PARVB: variants seen among roughly 807,000 people sequenced by gnomAD.
PARVB encodes beta-parvin.
In PARVB, 46 loss-of-function variants were observed where a neutral mutation model predicts 47.0. The ratio of observed to expected loss-of-function variants is 0.98; its 90% CI spans 0.77 to 1.25. The LOEUF (loss-of-function observed/expected upper bound fraction) is 1.25. Ranked by LOEUF, PARVB falls within the 50% of genes most tolerant of loss-of-function variation. The pLI is 0.00. For missense variants in PARVB, 473 were observed against 471.6 expected, an observed-to-expected ratio of 1.00 and a Z score of -0.03; for synonymous variants, 196 against 196.3, an observed-to-expected ratio of 1.00 and a Z score of 0.01.
intron 1 of PARVB, among the ~76,000 whole-genome samples, chr22:44,084,909 T>C (rs2051990455): frequency 6.6e-6 from 1 of 152,238 alleles, no homozygotes. Context: ...CATCTGTTTA[T>C]TTTCCATTCT....
chr22:44,108,017 G>A, intron 3 of PARVB: 1 of 152,140 alleles, frequency 6.6e-6, no homozygotes, highest in Non-Finnish European at 1.5e-5. Flanking sequence ...GGGATTACAG[G>A]CGCCCGCCAC....
At position 44,068,540 on chromosome 22, in the gene PARVB, TTC is replaced by T. The variant is rs1351734793; in HGVS notation, c.113-25386_113-25385del. ...TGTCGGGGCAGCCTCAGCTTCTTCT[TTC>T]TGTGTCCGATATTTGATTTCTGTTG... On this transcript the variant is annotated intron_variant, in intron 1 of 12. Coordinates refer to ENST00000338758, the MANE Select transcript of PARVB (RefSeq NM_013327.5). This position sits in a 1 kb window ranked among gnomAD's most constrained non-coding sequence, Gnocchi z 4.1. Among the ~76,000 whole-genome samples the T allele has an allele frequency of 1.3e-5, 2 of 152,206 alleles. No homozygotes were observed. The highest frequency in any genetic ancestry group is 2.4e-5 in the African/African-American group (1 of 41,454).
At chr22:44,058,778 C>T (rs1019970637) in intron 1 of PARVB, among the ~76,000 whole-genome samples, 2 of 151,964 alleles carry the variant, frequency 1.3e-5, no homozygotes. Context: ...TGGTCTTGAA[C>T]CCCTGAGCTC....
At chr22:44,046,184 G>A (rs530485192) in intron 1 of PARVB, among the ~76,000 whole-genome samples, 4 of 152,316 alleles carry the variant, frequency 2.6e-5, no homozygotes, top group African/African-American at 7.2e-5. Flanking sequence ...GTTGTCAGTG[G>A]GATTGTTGTC....
intron 2 of PARVB, among the ~76,000 whole-genome samples, chr22:44,099,529 CT>C (rs898235235): frequency 3.3e-5 from 5 of 151,246 alleles, no homozygotes; most frequent in African/African-American, 4.9e-5. Context: ...CCCCCCCCAC[CT>C]TTTTTTTTGC....
At chr22:44,014,143 T>C (rs1356344738) in intron 2 of PARVB, among the ~76,000 whole-genome samples, 1 of 152,222 alleles carries the variant, frequency 6.6e-6, no homozygotes, top group Non-Finnish European at 1.5e-5. Context: ...GTTTGGGTAC[T>C]ATACACAGAG....
At chr22:44,060,318 AAAAAG>A (rs1361316140) in intron 1 of PARVB, among the ~76,000 whole-genome samples, 3 of 152,180 alleles carry the variant, frequency 2.0e-5, no homozygotes, top group African/African-American at 4.8e-5. Context: ...TCTTTCTAAA[AAAAAG>A]AAAAGAAAAG....
chr22:44,095,306 T>G (rs1362454975), intron 2 of PARVB, among the ~76,000 whole-genome samples: 2 of 151,938 alleles, frequency 1.3e-5, no homozygotes, highest in Non-Finnish European at 2.9e-5. Flanking sequence ...TTCAGGAGTT[T>G]GAGATCAGCC....
chr22:44,007,252 C>T (rs543081963), intron 2 of PARVB, among the ~76,000 whole-genome samples: 7 of 151,936 alleles, frequency 4.6e-5, no homozygotes, highest in Non-Finnish European at 8.8e-5. Flanking sequence ...GGAGGGGGTG[C>T]CCAGCTCCGC....
chr22:44,118,744 T>C (rs983266573), intron 3 of PARVB, among the ~76,000 whole-genome samples: 16 of 151,862 alleles, frequency 1.1e-4, no homozygotes, highest in Non-Finnish European at 2.1e-4. Context: ...TCTGTCTCTG[T>C]GCTTGCTCTG....
At chr22:44,078,481 T>G (rs2051826242) in intron 1 of PARVB, among the ~76,000 whole-genome samples, 1 of 152,166 alleles carries the variant, frequency 6.6e-6, no homozygotes, top group South Asian at 2.1e-4. Flanking sequence ...AAGGGAGGTA[T>G]CTGGACCTAG....
At chr22:44,000,753 G>T (rs982754895) in intron 2 of PARVB, among the ~76,000 whole-genome samples, 1 of 152,210 alleles carries the variant, frequency 6.6e-6, no homozygotes, top group Non-Finnish European at 1.5e-5. Flanking sequence ...TGAAAGGTTA[G>T]TTGCAGTGTG....
chr22:44,044,818 T>C (rs1471333286), intron 1 of PARVB, among the ~76,000 whole-genome samples: 1 of 152,194 alleles, frequency 6.6e-6, no homozygotes, highest in Non-Finnish European at 1.5e-5. Context: ...TCTTTTTATT[T>C]TGGATCCATG....
intron 4 of PARVB, among the ~76,000 whole-genome samples, chr22:44,128,145 T>A (rs932036435): frequency 3.9e-5 from 6 of 152,292 alleles, no homozygotes; most frequent in African/African-American, 1.4e-4. Context: ...ACATGCCAGG[T>A]TTCTGGGGGT....
At chr22:44,077,460 G>A (rs537477286) in intron 1 of PARVB, among the ~76,000 whole-genome samples, 2 of 152,214 alleles carry the variant, frequency 1.3e-5, no homozygotes, top group Non-Finnish European at 2.9e-5. Context: ...AGTCACAGGT[G>A]TTGGGGGCCA....
chr22:44,022,190 G>A (rs2050658126), upstream of PARVB, among the ~76,000 whole-genome samples: 1 of 152,124 alleles, frequency 6.6e-6, no homozygotes, highest in Admixed American at 6.5e-5. Context: ...CAAACTGTGA[G>A]AGAAGACGTT....
chr22:44,079,580 T>C (rs1373058586), intron 1 of PARVB, among the ~76,000 whole-genome samples: 2 of 152,210 alleles, frequency 1.3e-5, no homozygotes, highest in African/African-American at 4.8e-5. Context: ...GCGGCTGCTG[T>C]GCTAAGCCAT....
At chr22:44,062,337 G>C (rs1326980624) in intron 1 of PARVB, among the ~76,000 whole-genome samples, 1 of 152,078 alleles carries the variant, frequency 6.6e-6, no homozygotes, top group Non-Finnish European at 1.5e-5. Context: ...AATTTGCTGG[G>C]ACTCAGAACT....
At chr22:44,067,866 C>T (rs975439443) in intron 1 of PARVB, among the ~76,000 whole-genome samples, 2 of 152,184 alleles carry the variant, frequency 1.3e-5, no homozygotes, top group African/African-American at 4.8e-5. Context: ...TTCCTCAAGT[C>T]CTAGTTTTGA....
Sources: gnomAD v4.1 joint callset for allele counts (sites outside exome capture counted in the v4.1 genomes callset) on GRCh38, gnomAD v4.1.1 for gene constraint, Gnocchi (gnomAD v3.1) non-coding constraint, MANE v1.5 for transcripts, NCBI Gene and HGNC (gene_info 2026-07-23, HGNC 2026-07-21) for gene names.